Variants in SUPT3H observed in about 807,000 individuals in gnomAD.
SUPT3H encodes the protein SPT3 homolog, SAGA and STAGA complex component.
Under a neutral mutation model 44.3 loss-of-function variants are expected in SUPT3H, and 44 were observed. That is an observed-to-expected ratio of 0.99 (90% confidence interval 0.78 to 1.28). The LOEUF is 1.28. SUPT3H is among the 50% of genes most tolerant of loss of function. SUPT3H has a pLI of 0.00. For synonymous variants in SUPT3H, 124 were observed against 125.6 expected, an observed-to-expected ratio of 0.99 and a Z score of 0.09; for missense variants, 380 against 387.1, an observed-to-expected ratio of 0.98 and a Z score of 0.15.
intron 6 of SUPT3H, among the ~76,000 whole-genome samples, chr6:44,978,559 T>G (rs544081270): frequency 1.3e-5 from 2 of 152,026 alleles, no homozygotes; most frequent in African/African-American, 2.4e-5. Context: ...AGGGAAGAGA[T>G]AGATTTGCTA....
chr6:45,045,009 C>G (rs74776000), intron 3 of SUPT3H, among the ~76,000 whole-genome samples: 1 of 151,956 alleles, frequency 6.6e-6, no homozygotes, highest in Non-Finnish European at 1.5e-5. Context: ...GATTATTTCA[C>G]GAGAGGAAAA....
chr6:45,320,127 A>C (rs1383518783), intron 2 of SUPT3H, among the ~76,000 whole-genome samples: 1 of 152,164 alleles, frequency 6.6e-6, no homozygotes, highest in African/African-American at 2.4e-5. Flanking sequence ...CTTTCACGTA[A>C]CAATATTATT....
At chr6:44,945,297 T>A (rs533877040) in intron 9 of SUPT3H, among the ~76,000 whole-genome samples, 12 of 152,164 alleles carry the variant, frequency 7.9e-5, no homozygotes, top group Non-Finnish European at 1.6e-4. Flanking sequence ...TTAGGCCAAT[T>A]AATAACCCTA....
chr6:44,907,723 T>C (rs1176768172), intron 10 of SUPT3H, among the ~76,000 whole-genome samples: 1 of 152,158 alleles, frequency 6.6e-6, no homozygotes, highest in Non-Finnish European at 1.5e-5. Context: ...TTGTATGCGG[T>C]TGTTACAGGC....
At chr6:45,108,886 C>T (rs1490080712) in intron 2 of SUPT3H, among the ~76,000 whole-genome samples, 7 of 152,058 alleles carry the variant, frequency 4.6e-5, no homozygotes, top group African/African-American at 7.2e-5. Flanking sequence ...GAAAACTACA[C>T]GGTCCTTATA....
Position 45,321,931 on chromosome 6 carries a change from CATATT to C in SUPT3H, c.101+43265_101+43269del, listed in dbSNP as rs754072380. ...GTAATCTCACCTTAGATGGTTAAAA[CATATT>C]ATAAATAAATACCTAAGAAATATTC... is the stretch of plus-strand genomic sequence containing the variant. On this transcript the variant is annotated intron_variant, in intron 2 of 10. Coordinates refer to ENST00000371459, the MANE Select transcript of SUPT3H (RefSeq NM_003599.4). 4.3e-5 allele frequency: 49 copies of C among 1,144,956 alleles called. No individual in the cohort carries two copies. The Admixed American group carries it at 1.2e-3, about 28-fold the overall frequency. 70.9% of individuals were successfully genotyped at this position (1,144,956 alleles called of 1,614,324 possible).
intron 10 of SUPT3H, among the ~76,000 whole-genome samples, chr6:44,863,527 T>C (rs1460238957): frequency 1.3e-5 from 2 of 151,992 alleles, no homozygotes; most frequent in Non-Finnish European, 2.9e-5. Context: ...AAAAGCACTC[T>C]AGGTAGAGAG....
intron 2 of SUPT3H, among the ~76,000 whole-genome samples, chr6:45,220,751 T>A (rs1025640842): frequency 2.0e-5 from 3 of 152,090 alleles, no homozygotes; most frequent in Non-Finnish European, 4.4e-5. Flanking sequence ...GCCATACCAT[T>A]CAGGACACAG....
At chr6:44,883,446 C>A (rs139925332) in intron 10 of SUPT3H, among the ~76,000 whole-genome samples, 1 of 152,144 alleles carries the variant, frequency 6.6e-6, no homozygotes, top group Non-Finnish European at 1.5e-5. Flanking sequence ...AATGGCCATA[C>A]TGCCCCAAAG....
At chr6:45,100,103 G>A (rs1470388138) in intron 3 of SUPT3H, among the ~76,000 whole-genome samples, 1 of 151,998 alleles carries the variant, frequency 6.6e-6, no homozygotes, top group East Asian at 1.9e-4. Context: ...ATGAATTAAA[G>A]ACTTAAAATC....
At chr6:45,320,293 T>C (rs1785281015) in intron 2 of SUPT3H, among the ~76,000 whole-genome samples, 2 of 152,104 alleles carry the variant, frequency 1.3e-5, no homozygotes, top group Admixed American at 1.3e-4. Flanking sequence ...AGACAGGGCT[T>C]TGCTCTGTCG....
At chr6:45,158,296 A>ATTTTTTTTTTTTTT (rs1489076667) in intron 2 of SUPT3H, among the ~76,000 whole-genome samples, 2 of 72,012 alleles carry the variant, frequency 2.8e-5, no homozygotes, top group African/African-American at 2.1e-4. Flanking sequence ...ATATATATAT[A>ATTTTTTTTTTTTTT]TATTTTTTTT....
intron 2 of SUPT3H, among the ~76,000 whole-genome samples, chr6:45,326,145 A>G (rs1222736651): frequency 6.6e-6 from 1 of 151,920 alleles, no homozygotes; most frequent in Non-Finnish European, 1.5e-5. Flanking sequence ...TTGAAGAGCC[A>G]AAGTTTACAT....
chr6:45,080,641 C>G (rs1191016178), intron 3 of SUPT3H, among the ~76,000 whole-genome samples: 4 of 151,634 alleles, frequency 2.6e-5, no homozygotes, highest in South Asian at 4.2e-4. Context: ...ATAGATGGAA[C>G]TGGAGGTCAT....
intron 10 of SUPT3H, among the ~76,000 whole-genome samples, chr6:44,916,664 C>A (rs1251515606): frequency 1.3e-5 from 2 of 152,190 alleles, no homozygotes; most frequent in African/African-American, 4.8e-5. Flanking sequence ...AAATGTCAGG[C>A]TGGGCTTCCC....
intron 2 of SUPT3H, among the ~76,000 whole-genome samples, chr6:45,212,436 T>C (rs1764242450): frequency 6.7e-6 from 1 of 149,252 alleles, no homozygotes; most frequent in Non-Finnish European, 1.5e-5. Flanking sequence ...TGGAAAATGC[T>C]CTCTTCCTCA....
At chr6:45,285,140 T>C (rs1407678447) in intron 2 of SUPT3H, among the ~76,000 whole-genome samples, 2 of 151,780 alleles carry the variant, frequency 1.3e-5, no homozygotes, top group South Asian at 2.1e-4. Context: ...AATATCATAC[T>C]GAATGGGCAA....
intron 2 of SUPT3H, among the ~76,000 whole-genome samples, chr6:45,158,298 A>ATATATATATATATATATATATAATTTT: frequency 1.0e-5 from 1 of 99,694 alleles, no homozygotes; most frequent in Non-Finnish European, 1.7e-5. Flanking sequence ...ATATATATAT[A>ATATATATATATATATATATATAATTTT]TTTTTTTTTT....
At chr6:45,272,478 G>A (rs1000092375) in intron 2 of SUPT3H, among the ~76,000 whole-genome samples, 22 of 152,336 alleles carry the variant, frequency 1.4e-4, no homozygotes, top group East Asian at 1.2e-3. Flanking sequence ...CCCCGGCCAT[G>A]TGGAACTGTT....
Sources: gnomAD v4.1 joint callset for allele counts (sites outside exome capture counted in the v4.1 genomes callset) on GRCh38, gnomAD v4.1.1 for gene constraint, MANE v1.5 for transcripts, NCBI Gene and HGNC (gene_info 2026-07-23, HGNC 2026-07-21) for gene names.